EFCAB11: variants seen among roughly 807,000 people sequenced by gnomAD.
EFCAB11 encodes the protein EF-hand calcium binding domain 11, also known as EF-hand calcium-binding domain-containing protein 11.
In EFCAB11, 14 loss-of-function variants were observed where a neutral mutation model predicts 23.0. The observed-to-expected ratio is 0.61, with a 90% CI of 0.40 to 0.95. The LOEUF is 0.95. Among genes scored for constraint, EFCAB11 ranks in the 40% least tolerant of loss-of-function variants. EFCAB11 has a pLI of 0.00. For missense variants in EFCAB11, 198 were observed against 195.8 expected (o/e 1.01, Z -0.07); for synonymous variants, 65 against 66.6 (o/e 0.98, Z 0.11).
intron 5 of EFCAB11, among the ~76,000 whole-genome samples, chr14:89,852,948 C>T (rs1475510123): frequency 4.6e-5 from 7 of 152,104 alleles, no homozygotes; most frequent in Non-Finnish European, 8.8e-5. Flanking sequence ...TCTCTCCAGC[C>T]CCTGGCAACC....
intron 5 of EFCAB11, among the ~76,000 whole-genome samples, chr14:89,879,872 C>G (rs929103814): frequency 6.6e-6 from 1 of 152,134 alleles, no homozygotes; most frequent in South Asian, 2.1e-4. Flanking sequence ...TGCTTCTTCC[C>G]CTATTACAAC....
chr14:89,937,487 A>G (rs1890625771), intron 3 of EFCAB11, among the ~76,000 whole-genome samples: 1 of 152,164 alleles, frequency 6.6e-6, no homozygotes, highest in South Asian at 2.1e-4. Flanking sequence ...TCCATTTTAT[A>G]AACAATCCTT....
intron 5 of EFCAB11, among the ~76,000 whole-genome samples, chr14:89,894,863 A>G (rs1889109242): frequency 6.6e-6 from 1 of 152,232 alleles, no homozygotes; most frequent in Non-Finnish European, 1.5e-5. Flanking sequence ...TTCAAAAGCT[A>G]CTATTTACAA....
chr14:89,875,323 T>C (rs1046316011), intron 5 of EFCAB11, among the ~76,000 whole-genome samples: 34 of 152,258 alleles, frequency 2.2e-4, no homozygotes, highest in African/African-American at 7.7e-4. Context: ...CATGATTCCA[T>C]TACCTCCCAC....
At chr14:89,928,442 T>G (rs1198631996) in intron 5 of EFCAB11, among the ~76,000 whole-genome samples, 1 of 152,010 alleles carries the variant, frequency 6.6e-6, no homozygotes, top group Non-Finnish European at 1.5e-5. Flanking sequence ...AAATTCAATT[T>G]GTTTTGATAC....
intron 5 of EFCAB11, among the ~76,000 whole-genome samples, chr14:89,888,985 C>A (rs1888877606): frequency 6.6e-6 from 1 of 152,084 alleles, no homozygotes; most frequent in South Asian, 2.1e-4. Flanking sequence ...AGAACCATGG[C>A]AGTAAATTAG....
At chr14:89,932,487 G>T (rs1890424672) in intron 4 of EFCAB11, 39 bp downstream of exon 4, 4 of 1,529,508 alleles carry the variant, frequency 2.6e-6, no homozygotes, top group Non-Finnish European at 3.6e-6. Context: ...TCCCTTAAAA[G>T]TAATTTTTTT....
intron 5 of EFCAB11, among the ~76,000 whole-genome samples, chr14:89,824,673 T>C (rs1379589061): frequency 6.6e-6 from 1 of 152,010 alleles, no homozygotes; most frequent in Non-Finnish European, 1.5e-5. Flanking sequence ...GATACGTTAA[T>C]AGTAAAAGAA....
chr14:89,803,049 TG>T (rs1358521683), intron 5 of EFCAB11, among the ~76,000 whole-genome samples: 1 of 152,124 alleles, frequency 6.6e-6, no homozygotes, highest in Non-Finnish European at 1.5e-5. Context: ...ACCTGCTAGA[TG>T]TTGGTAGGAC....
chr14:89,918,618 G>C (rs1596453662), intron 5 of EFCAB11, among the ~76,000 whole-genome samples: 1 of 151,976 alleles, frequency 6.6e-6, no homozygotes, highest in East Asian at 1.9e-4. Flanking sequence ...GTAAACCCAG[G>C]AAGAGGCCAT....
At chr14:89,925,570 A>T (rs1171395415) in intron 5 of EFCAB11, among the ~76,000 whole-genome samples, 6 of 152,160 alleles carry the variant, frequency 3.9e-5, no homozygotes, top group Non-Finnish European at 8.8e-5. Flanking sequence ...TAAAAATGAA[A>T]CATCATCTTT....
chr14:89,897,512 A>G (rs1889205977), intron 5 of EFCAB11, among the ~76,000 whole-genome samples: 1 of 152,132 alleles, frequency 6.6e-6, no homozygotes, highest in South Asian at 2.1e-4. Context: ...AGCCGTGTGC[A>G]TGTATTTTTA....
chr14:89,832,189 T>C (rs1222948633), intron 5 of EFCAB11, among the ~76,000 whole-genome samples: 1 of 152,124 alleles, frequency 6.6e-6, no homozygotes, highest in Non-Finnish European at 1.5e-5. Context: ...GGCCGGCACC[T>C]GTAATTTCAG....
intron 5 of EFCAB11, among the ~76,000 whole-genome samples, chr14:89,861,159 A>G (rs1289246446): frequency 6.6e-6 from 1 of 152,064 alleles, no homozygotes; most frequent in Non-Finnish European, 1.5e-5. Context: ...CCTCCTATCC[A>G]CTGACATCCT....
chr14:89,954,777 C>G (rs1891405056), upstream of EFCAB11: 11 of 1,433,418 alleles, frequency 7.7e-6, no homozygotes, highest in Non-Finnish European at 6.6e-6. Flanking sequence ...CTTCACCGCG[C>G]AACTCCGACG....
At chr14:89,816,857 T>C (rs1441027349) in intron 5 of EFCAB11, among the ~76,000 whole-genome samples, 1 of 152,110 alleles carries the variant, frequency 6.6e-6, no homozygotes, top group Non-Finnish European at 1.5e-5. Context: ...ATAATTATCA[T>C]ATAAAACATG....
chr14:89,834,401 A>AAC (rs1566777004), intron 5 of EFCAB11, among the ~76,000 whole-genome samples: 1 of 149,604 alleles, frequency 6.7e-6, no homozygotes, highest in Non-Finnish European at 1.5e-5. Context: ...AAAAAAAAAA[A>AAC]AACCTTTTTG....
chr14:89,808,025 T>G (rs1292104545), intron 5 of EFCAB11, among the ~76,000 whole-genome samples: 2 of 152,162 alleles, frequency 1.3e-5, no homozygotes, highest in Non-Finnish European at 2.9e-5. Flanking sequence ...GAAGCCGGGA[T>G]AATTGGCTAT....
chr14:89,851,733 T>C (rs1448166669), intron 5 of EFCAB11, among the ~76,000 whole-genome samples: 2 of 152,214 alleles, frequency 1.3e-5, no homozygotes, highest in Non-Finnish European at 2.9e-5. Context: ...AAATGAAATT[T>C]AGACGTCCTG....
Sources: allele counts gnomAD v4.1 joint callset (sites outside exome capture counted in the v4.1 genomes callset), GRCh38; gene constraint gnomAD v4.1.1; transcripts MANE v1.5; gene names NCBI Gene and HGNC (gene_info 2026-07-23, HGNC 2026-07-21).